Variants in AIG1 observed in about 807,000 individuals in gnomAD.
AIG1 encodes the protein androgen induced 1.
A neutral mutation model predicts 31.4 loss-of-function variants in AIG1; 23 were observed. The observed-to-expected ratio is 0.73, with a 90% CI of 0.53 to 1.04. AIG1 has a LOEUF of 1.04. AIG1 is among the 50% of genes least tolerant of loss of function. The probability of loss-of-function intolerance (pLI) is 0.00; values close to 1 mark genes in which losing one functional copy is unlikely to be tolerated. For synonymous variants in AIG1, 100 were observed against 110.5 expected, an observed-to-expected ratio of 0.90 and a Z score of 0.60; for missense variants, 274 against 295.0, an observed-to-expected ratio of 0.93 and a Z score of 0.52.
Position 143,136,912 on chromosome 6 carries a change from G to A in AIG1, c.219G>A (p.Gln73=), listed in dbSNP as rs757640031. Residue 73 remains glutamine, a synonymous_variant, in exon 2 of 6, where the codon CAG becomes CAA. Transcript: ENST00000357847. Reference sequence around the variant, plus strand: ...TTCTGACTCGAGGAAGTGGGAACCAGGAGCAAGAGAGGCAGCTCAAGAAGC... The same window carrying A: ...TTCTGACTCGAGGAAGTGGGAACCAAGAGCAAGAGAGGCAGCTCAAGAAGC... ...SSLLTRGSGN[Q]EQERQLKKLI... The A allele has an allele frequency of 1.3e-6, 2 of 1,536,944 alleles. No homozygotes were observed. Among genetic ancestry groups the A allele is most frequent in the Admixed American group, 1.8e-5 (1 of 55,516 alleles).
intron 3 of AIG1, chr6:143,187,400 G>C: frequency 4.6e-6 from 7 of 1,535,556 alleles, no homozygotes; most frequent in Non-Finnish European, 6.1e-6. Context: ...ATAGCAACTA[G>C]ATTCCACCAC....
At chr6:143,324,022 C>T (rs1776420546) in intron 4 of AIG1, among the ~76,000 whole-genome samples, 1 of 152,148 alleles carries the variant, frequency 6.6e-6, no homozygotes, top group South Asian at 2.1e-4. Context: ...CCTTCAGGAG[C>T]TTCAGGTTGG....
At chr6:143,260,644 G>A (rs1795708828) in intron 3 of AIG1, among the ~76,000 whole-genome samples, 1 of 152,214 alleles carries the variant, frequency 6.6e-6, no homozygotes, top group African/African-American at 2.4e-5. Context: ...GTACTGTAGT[G>A]ACTGTTTTAC....
At chr6:143,238,910 C>A (rs928744301) in intron 3 of AIG1, among the ~76,000 whole-genome samples, 1 of 152,184 alleles carries the variant, frequency 6.6e-6, no homozygotes, top group African/African-American at 2.4e-5. Context: ...TTACAACTTC[C>A]CTTTCATCTT....
intron 4 of AIG1, among the ~76,000 whole-genome samples, chr6:143,290,386 T>C (rs932318806): frequency 2.6e-5 from 4 of 152,216 alleles, no homozygotes; most frequent in Non-Finnish European, 2.9e-5. Flanking sequence ...CCTGATTCTT[T>C]CCTTGGAGTG....
At chr6:143,232,512 A>G (rs954354859) in intron 3 of AIG1, among the ~76,000 whole-genome samples, 9 of 152,164 alleles carry the variant, frequency 5.9e-5, no homozygotes, top group Non-Finnish European at 8.8e-5. Context: ...AAAGGGAACT[A>G]TCCACCATCC....
Position 143,116,942 on chromosome 6 carries a change from A to T in AIG1, c.142-19893A>T, listed in dbSNP as rs142366262. 3.2e-3 allele frequency among the ~76,000 whole-genome samples: 483 copies of T among 152,048 alleles called. 1 individual carries two copies. The highest frequency in any genetic ancestry group is 0.011 in the African/African-American group (469 of 41,458). ...CCATGGGCAGCCTGTGTTGCATAGG[A>T]CAGTATGGGGGCTCAGATGTTCCTC... On this transcript the variant is annotated intron_variant, in intron 1 of 5. Coordinates refer to ENST00000357847, the MANE Select transcript of AIG1 (RefSeq NM_016108.4).
chr6:143,187,916 AT>A, intron 3 of AIG1: 1 of 1,343,652 alleles, frequency 7.4e-7, no homozygotes, highest in Non-Finnish European at 9.5e-7. Flanking sequence ...ATGAACATGA[AT>A]TTTTAACCTC....
chr6:143,289,289 T>C (rs938279911), intron 4 of AIG1, among the ~76,000 whole-genome samples: 2 of 152,192 alleles, frequency 1.3e-5, no homozygotes, highest in African/African-American at 4.8e-5. Context: ...ATCTGTTATG[T>C]GATGCTACAT....
chr6:143,342,857 G>A (rs563227231), downstream of AIG1: 10 of 833,188 alleles, frequency 1.2e-5, no homozygotes, highest in African/African-American at 1.5e-4. Context: ...TCAAAAGTCC[G>A]TTGTTCTCCA....
intron 3 of AIG1, among the ~76,000 whole-genome samples, chr6:143,227,382 G>A (rs768934346): frequency 3.3e-5 from 5 of 151,918 alleles, no homozygotes; most frequent in Admixed American, 6.6e-5. Context: ...CCCCTGCCCC[G>A]TGCCCCTCCT....
intron 1 of AIG1, among the ~76,000 whole-genome samples, chr6:143,116,862 C>T (rs1781782370): frequency 6.6e-6 from 1 of 151,946 alleles, no homozygotes; most frequent in Non-Finnish European, 1.5e-5. Flanking sequence ...AACACCCTCT[C>T]CATAATGACC....
At chr6:143,261,446 G>A (rs1023094046) in intron 3 of AIG1, among the ~76,000 whole-genome samples, 13 of 152,150 alleles carry the variant, frequency 8.5e-5, no homozygotes, top group Admixed American at 8.5e-4. Context: ...GTAGCTGTTA[G>A]GTGTTGGCAT....
At chr6:143,212,637 A>G (rs1323452381) in intron 3 of AIG1, among the ~76,000 whole-genome samples, 1 of 152,152 alleles carries the variant, frequency 6.6e-6, no homozygotes, top group Non-Finnish European at 1.5e-5. Flanking sequence ...CTTCAAACTG[A>G]ATCATAAAAT....
chr6:143,204,680 C>T (rs188709087), intron 3 of AIG1, among the ~76,000 whole-genome samples: 7 of 152,226 alleles, frequency 4.6e-5, no homozygotes, highest in African/African-American at 1.4e-4. Context: ...TCTTTCATCA[C>T]CCATACAGAC....
At chr6:143,287,199 A>G (rs922813163) in intron 4 of AIG1, among the ~76,000 whole-genome samples, 1 of 152,018 alleles carries the variant, frequency 6.6e-6, no homozygotes, top group African/African-American at 2.4e-5. Context: ...GACCCTTAGC[A>G]TTCCGGATAC....
At chr6:143,099,414 A>G (rs1780058733) in intron 1 of AIG1, 2 of 152,238 alleles carry the variant, frequency 1.3e-5, no homozygotes, top group South Asian at 4.1e-4. Context: ...CGTGGAATAA[A>G]TAATCAACAT....
chr6:143,064,343 G>A (rs1776505709), intron 1 of AIG1, among the ~76,000 whole-genome samples: 1 of 152,194 alleles, frequency 6.6e-6, no homozygotes, highest in Non-Finnish European at 1.5e-5. Flanking sequence ...AGAGAGATAC[G>A]ACAATGCTGG....
intron 3 of AIG1, among the ~76,000 whole-genome samples, chr6:143,250,649 G>C (rs372470049): frequency 8.9e-4 from 136 of 152,150 alleles, no homozygotes; most frequent in African/African-American, 3.1e-3. Context: ...GCAGAGGCAG[G>C]ATGACCACAG....
Sources: allele counts gnomAD v4.1 joint callset (sites outside exome capture counted in the v4.1 genomes callset), GRCh38; gene constraint gnomAD v4.1.1; transcripts MANE v1.5; gene names NCBI Gene and HGNC (gene_info 2026-07-23, HGNC 2026-07-21).